ARFGEF1: variants seen among roughly 807,000 people sequenced by gnomAD.
ARFGEF1 encodes the protein ARF guanine nucleotide exchange factor 1.
A neutral mutation model predicts 231.0 loss-of-function variants in ARFGEF1; 42 were observed. That is an observed-to-expected ratio of 0.18 (90% CI 0.14 to 0.24). The LOEUF is 0.24. Ranked by LOEUF, ARFGEF1 falls within the 10% of genes least tolerant of loss-of-function variation. The pLI is 1.00. For synonymous variants in ARFGEF1, 710 were observed against 732.3 expected (o/e 0.97, Z 0.49); for missense variants, 1,345 against 2,192.0 (o/e 0.61, Z 7.72).
chr8:67,252,095 C>G (rs1392228274), intron 18 of ARFGEF1, among the ~76,000 whole-genome samples: 2 of 151,914 alleles, frequency 1.3e-5, no homozygotes, highest in African/African-American at 4.8e-5. Context: ...CATGGAGAAA[C>G]CCTGTCTCTA....
At chr8:67,316,082 G>T (rs1807299692) in intron 1 of ARFGEF1, among the ~76,000 whole-genome samples, 1 of 152,094 alleles carries the variant, frequency 6.6e-6, no homozygotes. Context: ...CAAGAGGAAA[G>T]AAAAAATAAA....
At chr8:67,276,549 C>G (rs1413900355) in intron 8 of ARFGEF1, among the ~76,000 whole-genome samples, 2 of 152,104 alleles carry the variant, frequency 1.3e-5, no homozygotes, top group African/African-American at 2.4e-5. Flanking sequence ...AAAAAATGTA[C>G]TCCTAAATAT....
Position 67,198,559 on chromosome 8 carries a change from A to C in ARFGEF1, c.*375T>G. ...AATTATAAACATTTTATCCTTCAAA[A>C]TACAGCTCTCCTGAGTTGTACTTCT... On this transcript the variant is annotated 3_prime_UTR_variant, in exon 39 of 39. Coordinates refer to ENST00000262215, the MANE Select transcript of ARFGEF1 (RefSeq NM_006421.5). 1.0e-6 allele frequency: 1 copy of C among 1,000,400 alleles called. No individual in the cohort carries two copies. The highest frequency in any genetic ancestry group is 1.2e-6 in the Non-Finnish European group (1 of 840,134). The allele number at this position is 1,000,400 out of a possible 1,614,324, so 62.0% of individuals were successfully genotyped here.
chr8:67,182,581 T>C (rs1833326460), intron 5 of ARFGEF1, among the ~76,000 whole-genome samples: 1 of 152,270 alleles, frequency 6.6e-6, no homozygotes, highest in Admixed American at 6.5e-5. Context: ...CCACAGCAGC[T>C]GTACCATTTT....
chr8:67,315,353 C>CA (rs781258222), intron 1 of ARFGEF1, among the ~76,000 whole-genome samples: 6 of 151,852 alleles, frequency 4.0e-5, no homozygotes, highest in Admixed American at 1.3e-4. Context: ...AACTACTAGA[C>CA]AAAAAAAATC....
chr8:67,215,085 T>C (rs1217810142), intron 33 of ARFGEF1, among the ~76,000 whole-genome samples: 1 of 152,182 alleles, frequency 6.6e-6, no homozygotes, highest in Non-Finnish European at 1.5e-5. Flanking sequence ...TGAGATCGTA[T>C]ATCTTATGCT....
intron 19 of ARFGEF1, among the ~76,000 whole-genome samples, chr8:67,246,495 C>T (rs948191163): frequency 6.0e-5 from 9 of 150,204 alleles, no homozygotes; most frequent in Non-Finnish European, 1.3e-4. Flanking sequence ...AAAGAATATG[C>T]TCCTGAATGA....
chr8:67,280,047 T>C lies in ARFGEF1; in HGVS notation c.1028-2590A>G, dbSNP rs144856528. On this transcript the variant is annotated intron_variant, in intron 7 of 38. Coordinates refer to ENST00000262215, the MANE Select transcript of ARFGEF1 (RefSeq NM_006421.5). ...AATGATGCTGATAAACTAAGGAGCA[T>C]ATCACTGGATCATAAACTTTGAGGA... Among the ~76,000 whole-genome samples the C allele has an allele frequency of 5.5e-3, 838 of 152,134 alleles. 2 individuals are homozygous for C. The highest frequency in any genetic ancestry group is 9.6e-3 in the Non-Finnish European group (652 of 68,006).
chr8:67,238,563 G>T (rs1839838253), intron 21 of ARFGEF1, 70 bp from the exon 22 acceptor site: 2 of 1,484,692 alleles, frequency 1.3e-6, no homozygotes, highest in African/African-American at 1.4e-5. Context: ...TTAAATATAT[G>T]CAGCCAGGAC....
Position 67,225,053 on chromosome 8 carries a change from GTTA to G in ARFGEF1, c.4078-23_4078-21del, listed in dbSNP as rs1424459747. 1.3e-6 allele frequency: 2 copies of G among 1,574,822 alleles called. No individual in the cohort carries two copies. The highest frequency in any genetic ancestry group is 1.7e-6 in the Non-Finnish European group (2 of 1,163,312). On this transcript the variant is annotated intron_variant, in intron 28 of 38. Transcript: ENST00000262215. ...GAAAGCCTTCAAGAAAAAAGGTAGGGTTATTAAAGGCAAAACATAACACCCATA... is the reference window on the plus strand; with the variant it reads ...GAAAGCCTTCAAGAAAAAAGGTAGGGTTAAAGGCAAAACATAACACCCATA...
At chr8:67,211,860 T>C (rs1001220146) in intron 33 of ARFGEF1, among the ~76,000 whole-genome samples, 2 of 152,114 alleles carry the variant, frequency 1.3e-5, no homozygotes, top group Non-Finnish European at 2.9e-5. Context: ...AATGCGAAAC[T>C]TCAAAGTGTA....
At chr8:67,175,565 C>T (rs1831413063) in exon 6 of ARFGEF1, 5 of 1,095,448 alleles carry the variant, frequency 4.6e-6, no homozygotes, top group African/African-American at 1.6e-5. Context: ...TCACAGGGTC[C>T]GTTTGGTCTG....
chr8:67,288,149 A>C, intron 6 of ARFGEF1, 84 bp from the exon 7 acceptor site: 1 of 754,238 alleles, frequency 1.3e-6, no homozygotes, highest in Non-Finnish European at 2.0e-6. Flanking sequence ...AAAAACTCCT[A>C]AATCATGAGG....
At chr8:67,251,671 G>A (rs1840288410) in intron 18 of ARFGEF1, among the ~76,000 whole-genome samples, 1 of 152,108 alleles carries the variant, frequency 6.6e-6, no homozygotes, top group Admixed American at 6.5e-5. Context: ...GGGGCTGGGG[G>A]GAGACAGAAT....
chr8:67,272,055 A>T (rs1462766930), intron 9 of ARFGEF1, 119 bp from the exon 10 acceptor site: 3 of 651,026 alleles, frequency 4.6e-6, no homozygotes, highest in African/African-American at 1.8e-5. Context: ...TTGTAAATGG[A>T]GAGGAAGAGA....
rs1053115452 is a variant in ARFGEF1 at position 67,245,125 on chromosome 8, G to T, written c.2851-4835C>A. ...TTTACCTGAAAATAGTACATATCTG[G>T]TGAAACTATCCTTTAAACATGAAAG... is the stretch of plus-strand genomic sequence containing the variant. On this transcript the variant is annotated intron_variant, in intron 19 of 38. Coordinates refer to ENST00000262215, the MANE Select transcript of ARFGEF1 (RefSeq NM_006421.5). 3.5e-4 allele frequency among the ~76,000 whole-genome samples: 52 copies of T among 150,474 alleles called. 4 individuals are homozygous for T. The Admixed American group carries it at 3.5e-3, about 10-fold the overall frequency.
intron 1 of ARFGEF1, among the ~76,000 whole-genome samples, chr8:67,340,189 A>G (rs958313741): frequency 6.6e-6 from 1 of 152,238 alleles, no homozygotes; most frequent in African/African-American, 2.4e-5. Context: ...AAAAAGGATT[A>G]AATGTCTGAC....
Position 67,301,312 on chromosome 8 carries a change from A to G in ARFGEF1, c.224T>C (p.Ile75Thr). ...LPPVKSKTNF[I>T]EADKYFLPFE... Reference sequence around the variant, plus strand: ...AGGCAAGAAGTACTTGTCTGCTTCAATAAAATTTGTCTTTGATTTCACTGG... The same window carrying G: ...AGGCAAGAAGTACTTGTCTGCTTCAGTAAAATTTGTCTTTGATTTCACTGG... The change falls in exon 3 of 39, where the codon ATT becomes ACT. Residue 75 changes from isoleucine (I) to threonine (T), a missense_variant. Around this residue, in one of 14 missense-constraint regions of ARFGEF1, gnomAD observed 398 missense variants for 463.2 expected, o/e 0.86. Transcript: ENST00000262215. 1.2e-6 allele frequency: 2 copies of G among 1,614,148 alleles called. No individual in the cohort carries two copies. Among genetic ancestry groups the G allele is most frequent in the Non-Finnish European group, 1.7e-6 (2 of 1,180,022 alleles).
chr8:67,271,290 C>A (rs182558875), intron 10 of ARFGEF1, among the ~76,000 whole-genome samples: 1 of 151,870 alleles, frequency 6.6e-6, no homozygotes, highest in East Asian at 1.9e-4. Flanking sequence ...CCCTCAATCA[C>A]ATCTTTTAAA....
Sources: allele counts gnomAD v4.1 joint callset (sites outside exome capture counted in the v4.1 genomes callset), GRCh38; gene constraint gnomAD v4.1.1; regional missense constraint gnomAD v4.1.1; transcripts MANE v1.5; gene names NCBI Gene and HGNC (gene_info 2026-07-23, HGNC 2026-07-21).